Variants in CACNA2D1 observed in about 807,000 individuals in gnomAD.
CACNA2D1 encodes the protein calcium voltage-gated channel auxiliary subunit alpha2delta 1.
A neutral mutation model predicts 171.5 loss-of-function variants in CACNA2D1; 53 were observed. The ratio of observed to expected loss-of-function variants is 0.31; its 90% CI spans 0.25 to 0.39. The LOEUF (loss-of-function observed/expected upper bound fraction) is 0.39, where lower values mean the gene tolerates loss of function less well. Ranked by LOEUF, CACNA2D1 falls within the 10% of genes least tolerant of loss-of-function variation. The pLI is 1.00. For missense variants in CACNA2D1, 903 were observed against 1,299.8 expected (o/e 0.69, Z 4.69); for synonymous variants, 442 against 443.1 (o/e 1.00, Z 0.03).
At position 82,265,091 on chromosome 7, in the gene CACNA2D1, T is replaced by C. The variant is rs571490736; in HGVS notation, c.294+70044A>G. Among the ~76,000 whole-genome samples the C allele has an allele frequency of 3.9e-5, 6 of 152,306 alleles. No homozygotes were observed. In the South Asian group the frequency reaches 6.2e-4, roughly 16 times the overall value. Reference sequence around the variant, plus strand: ...GTTGGAGGAACTGCTGCCAAATGAATGGCTGGCTGAATAGATTTAGGAAAA... The same window carrying C: ...GTTGGAGGAACTGCTGCCAAATGAACGGCTGGCTGAATAGATTTAGGAAAA... On this transcript the variant is annotated intron_variant, in intron 3 of 38. Transcript: ENST00000356860.
At chr7:82,211,595 T>C (rs1353499037) in intron 3 of CACNA2D1, among the ~76,000 whole-genome samples, 2 of 151,884 alleles carry the variant, frequency 1.3e-5, no homozygotes, top group African/African-American at 4.8e-5. Flanking sequence ...ACATTTTCTC[T>C]TTCTAATCTA....
At chr7:82,160,308 C>T (rs564471871) in intron 4 of CACNA2D1, among the ~76,000 whole-genome samples, 211 of 151,808 alleles carry the variant, frequency 1.4e-3, no homozygotes, top group Non-Finnish European at 2.6e-3. Context: ...CCTTGGTCAA[C>T]ATACTTAACA....
chr7:82,113,498 C>T (rs760215715), intron 6 of CACNA2D1, among the ~76,000 whole-genome samples: 1 of 152,102 alleles, frequency 6.6e-6, no homozygotes, highest in Non-Finnish European at 1.5e-5. Flanking sequence ...TAATTAAATA[C>T]AGTACTCTAA....
At chr7:82,012,027 C>G (rs1344718633) in intron 15 of CACNA2D1, 127 bp downstream of exon 15, 1 of 705,934 alleles carries the variant, frequency 1.4e-6, no homozygotes, top group Admixed American at 2.0e-5. Context: ...GGAAAGAAGT[C>G]TGTGATAGAA....
At chr7:82,064,282 T>C in intron 9 of CACNA2D1, 22 bp downstream of exon 9, 1 of 1,492,970 alleles carries the variant, frequency 6.7e-7, no homozygotes, top group Non-Finnish European at 9.3e-7. Flanking sequence ...AATATATAAA[T>C]AAGTAGTATT....
rs932080938 is a variant in CACNA2D1, at chr7:82,099,422, C to CTTTTTTT, written c.527-14529_527-14523dup. Among the ~76,000 whole-genome samples, 25 of 40,276 alleles carry CTTTTTTT rather than the reference C, an allele frequency of 6.2e-4. 3 individuals are homozygous for CTTTTTTT. The highest frequency in any genetic ancestry group is 8.4e-4 in the Non-Finnish European group (17 of 20,260). 26.4% of individuals were successfully genotyped at this position (40,276 alleles called of 152,430 possible). Reference sequence around the variant, plus strand: ...ACTCTAAAACAGGTAGCAATACCTTCTTTTTTTTTTTTTTTTTTTTTTTTT... The same window carrying CTTTTTTT: ...ACTCTAAAACAGGTAGCAATACCTTCTTTTTTTTTTTTTTTTTTTTTTTTTTTTTTTT... On this transcript the variant is annotated intron_variant, in intron 6 of 38. Transcript: ENST00000356860.
chr7:82,234,662 G>T (rs1803337194), intron 3 of CACNA2D1, among the ~76,000 whole-genome samples: 1 of 151,986 alleles, frequency 6.6e-6, no homozygotes, highest in South Asian at 2.1e-4. Context: ...TATCTTCTTT[G>T]AATTGTTTAA....
At chr7:82,021,827 G>A (rs1342435479) in intron 12 of CACNA2D1, among the ~76,000 whole-genome samples, 1 of 151,980 alleles carries the variant, frequency 6.6e-6, no homozygotes, top group Non-Finnish European at 1.5e-5. Flanking sequence ...GGTTGACTGG[G>A]GGAAAATCCC....
chr7:82,291,762 C>T (rs553600949), intron 3 of CACNA2D1, among the ~76,000 whole-genome samples: 102 of 150,744 alleles, frequency 6.8e-4, no homozygotes, highest in African/African-American at 2.3e-3. Flanking sequence ...GCCTCAACCT[C>T]CCAAAGTGCT....
intron 1 of CACNA2D1, among the ~76,000 whole-genome samples, chr7:82,438,309 T>G (rs1461825833): frequency 6.6e-6 from 1 of 152,186 alleles, no homozygotes. Flanking sequence ...TTTAAAAATA[T>G]GTATGGACAT....
intron 7 of CACNA2D1, among the ~76,000 whole-genome samples, chr7:82,067,201 ATACT>A (rs1167662340): frequency 5.9e-5 from 9 of 152,150 alleles, no homozygotes; most frequent in African/African-American, 1.4e-4. Context: ...AATTAAATTG[ATACT>A]TACTTTAATT....
At chr7:82,395,319 A>G (rs1352635481) in intron 1 of CACNA2D1, among the ~76,000 whole-genome samples, 1 of 152,230 alleles carries the variant, frequency 6.6e-6, no homozygotes, top group Non-Finnish European at 1.5e-5. Flanking sequence ...TGACAAGGTC[A>G]GTGTCAAGCA....
chr7:82,401,517 G>A (rs1275354867), intron 1 of CACNA2D1, among the ~76,000 whole-genome samples: 1 of 147,632 alleles, frequency 6.8e-6, no homozygotes, highest in African/African-American at 2.5e-5. Context: ...GAGATCACAT[G>A]GACACAGGAA....
At chr7:82,137,870 T>C (rs930288594) in intron 4 of CACNA2D1, among the ~76,000 whole-genome samples, 2 of 151,604 alleles carry the variant, frequency 1.3e-5, no homozygotes, top group African/African-American at 4.8e-5. Context: ...AAAAAAAAAA[T>C]TTATTAAAAG....
intron 3 of CACNA2D1, among the ~76,000 whole-genome samples, chr7:82,274,682 T>C (rs1809085376): frequency 6.6e-6 from 1 of 152,170 alleles, no homozygotes; most frequent in African/African-American, 2.4e-5. Context: ...CATATCTATA[T>C]TGAATAATGT....
intron 1 of CACNA2D1, chr7:82,410,504 TTC>T: frequency 2.0e-6 from 2 of 985,348 alleles, no homozygotes; most frequent in Non-Finnish European, 2.4e-6. Flanking sequence ...AATTACCTCT[TTC>T]ATGAGCTCAG....
chr7:82,230,432 G>A (rs1020645455), intron 3 of CACNA2D1, among the ~76,000 whole-genome samples: 1 of 152,164 alleles, frequency 6.6e-6, no homozygotes, highest in Non-Finnish European at 1.5e-5. Context: ...GAAAAATTGT[G>A]ATGCAGTGAA....
chr7:82,235,223 C>G (rs1384980691), intron 3 of CACNA2D1, among the ~76,000 whole-genome samples: 1 of 152,026 alleles, frequency 6.6e-6, no homozygotes, highest in Admixed American at 6.6e-5. Context: ...CAAATATTCT[C>G]TCTGGTACAT....
intron 3 of CACNA2D1, among the ~76,000 whole-genome samples, chr7:82,311,162 A>T (rs1814414494): frequency 6.6e-6 from 1 of 152,114 alleles, no homozygotes; most frequent in Non-Finnish European, 1.5e-5. Context: ...TTCCATCTTT[A>T]ACCATGGTCA....
Sources: gnomAD v4.1 joint callset for allele counts (sites outside exome capture counted in the v4.1 genomes callset) on GRCh38, gnomAD v4.1.1 for gene constraint, MANE v1.5 for transcripts, NCBI Gene and HGNC (gene_info 2026-07-23, HGNC 2026-07-21) for gene names.